The following PER2 variants were observed in gnomAD, a reference collection of about 807,000 sequenced individuals.
PER2 encodes period circadian protein homolog 2.
A neutral mutation model predicts 121.0 loss-of-function variants in PER2; 66 were observed. That is an observed-to-expected ratio of 0.55 (90% CI 0.45 to 0.67). The LOEUF (loss-of-function observed/expected upper bound fraction) is 0.67. PER2 is among the 30% of genes least tolerant of loss of function. The probability of loss-of-function intolerance (pLI) is 0.00; values close to 1 mark genes in which losing one functional copy is unlikely to be tolerated. For synonymous variants in PER2, 684 were observed against 659.9 expected, an observed-to-expected ratio of 1.04 and a Z score of -0.56; for missense variants, 1,521 against 1,635.0, an observed-to-expected ratio of 0.93 and a Z score of 1.20.
chr2:238,273,481 A>G (rs1393846350), intron 4 of PER2, among the ~76,000 whole-genome samples: 2 of 150,360 alleles, frequency 1.3e-5, no homozygotes, highest in African/African-American at 4.9e-5. Flanking sequence ...GCTGCCTCTC[A>G]TGTTCTCCAG....
intron 16 of PER2, among the ~76,000 whole-genome samples, 160 bp downstream of exon 16, chr2:238,258,116 T>C (rs1212996712): frequency 6.6e-6 from 1 of 152,254 alleles, no homozygotes; most frequent in Non-Finnish European, 1.5e-5. Context: ...CATCTTTGCC[T>C]CTAGTTCCTA....
At chr2:238,246,666 G>T in intron 22 of PER2, 142 bp from the exon 23 acceptor site, 2 of 568,242 alleles carry the variant, frequency 3.5e-6, no homozygotes, top group Non-Finnish European at 6.5e-6. Flanking sequence ...CACGACGTCA[G>T]GAGATCGAGA....
At chr2:238,270,409 G>A (rs773537349) in intron 6 of PER2, among the ~76,000 whole-genome samples, 17 of 151,016 alleles carry the variant, frequency 1.1e-4, no homozygotes, top group Non-Finnish European at 1.0e-4. Flanking sequence ...CTCTGCTTTC[G>A]TGGGAATCTA....
Position 238,257,014 on chromosome 2 carries a change from C to T in PER2, c.1973G>A (p.Gly658Asp). 6.2e-7 allele frequency: 1 copy of T among 1,613,580 alleles called. No homozygotes were observed. ...GAGCGACGCCACACTCTCTGCCTTG[C>T]CCGGCAGTGCCAGCGAGGTCAGGTG... is the stretch of plus-strand genomic sequence containing the variant. ...GTHLTSLALP[G>D]KAESVASLTS... is the part of the protein sequence containing the mutation. The change falls in exon 17 of 23, where the codon GGC becomes GAC. Residue 658 changes from glycine to aspartate, a missense_variant. By Grantham distance (94) the Gly-to-Asp change is moderately conservative (BLOSUM62 -1). Transcript: ENST00000254657.
chr2:238,287,492 G>A (rs1696823188), intron 1 of PER2, among the ~76,000 whole-genome samples: 1 of 152,164 alleles, frequency 6.6e-6, no homozygotes, highest in African/African-American at 2.4e-5. Context: ...GTCCATGTGG[G>A]GCTTTAGCCA....
chr2:238,296,918 G>C, the PER2 span, among the ~76,000 whole-genome samples: 5 of 152,256 alleles, frequency 3.3e-5, no homozygotes, highest in Admixed American at 2.0e-4. Flanking sequence ...TCTGGGCTCA[G>C]AAAGTGCTGA....
rs139421757 is a variant in PER2 at position 238,276,290 on chromosome 2, G to C, written c.294-393C>G. Reference sequence around the variant, plus strand: ...AGACCCTGGCCAAGTATGACAATCAGAGCTGTCAACAGACATTGCCAGATG... The same window carrying C: ...AGACCCTGGCCAAGTATGACAATCACAGCTGTCAACAGACATTGCCAGATG... On this transcript the variant is annotated intron_variant, in intron 3 of 22. Coordinates refer to ENST00000254657, the MANE Select transcript of PER2 (RefSeq NM_022817.3). 1.3e-4 allele frequency among the ~76,000 whole-genome samples: 20 copies of C among 152,376 alleles called. No individual in the cohort carries two copies. The East Asian group carries it at 3.7e-3, about 28-fold the overall frequency.
At chr2:238,276,688 CT>C (rs1696465388) in intron 3 of PER2, among the ~76,000 whole-genome samples, 1 of 152,190 alleles carries the variant, frequency 6.6e-6, no homozygotes, top group African/African-American at 2.4e-5. Flanking sequence ...GAAGATGGGC[CT>C]GTGTGGAACA....
chr2:238,283,873 G>A (rs1400578113), intron 1 of PER2, among the ~76,000 whole-genome samples: 2 of 152,144 alleles, frequency 1.3e-5, no homozygotes, highest in African/African-American at 4.8e-5. Flanking sequence ...ATAAGCAGCT[G>A]GTCCTTTCTG....
chr2:238,258,210 C>T (rs987467642), intron 16 of PER2, 66 bp downstream of exon 16: 30 of 1,555,166 alleles, frequency 1.9e-5, no homozygotes, highest in East Asian at 4.5e-5. Flanking sequence ...GCCATGGGGA[C>T]GTCTGACTCT....
At chr2:238,247,640 AT>A (rs1695484060) in intron 22 of PER2, 3 of 152,280 alleles carry the variant, frequency 2.0e-5, no homozygotes, top group Admixed American at 2.0e-4. Flanking sequence ...CCACGGGTCT[AT>A]TTCAGGAAAA....
chr2:238,267,649 A>G (rs540926030), intron 8 of PER2, among the ~76,000 whole-genome samples: 1 of 152,194 alleles, frequency 6.6e-6, no homozygotes, highest in Admixed American at 6.5e-5. Flanking sequence ...GTTCTGGAGC[A>G]GGCAGCGACA....
At position 238,288,584 on chromosome 2, in the gene PER2, G is replaced by C. The variant is rs1426081012; in HGVS notation, c.-255C>G. On this transcript the variant is annotated 5_prime_UTR_variant, in exon 1 of 23. Transcript: ENST00000254657. ...CCGGCGCTGGGACCCCGACCTGCCC[G>C]AGGCCCGCGCGCCGGCGGCGGTTAC... 1 of 151,444 alleles carries C rather than the reference G, an allele frequency of 6.6e-6. No homozygotes were observed. The highest frequency in any genetic ancestry group is 2.4e-5 in the African/African-American group (1 of 41,326). 9.4% of individuals were successfully genotyped at this position (151,444 alleles called of 1,614,324 possible).
Position 238,244,372 on chromosome 2 carries a change from C to G in PER2, c.*2003G>C, listed in dbSNP as rs1042958444. 1 of 152,616 alleles carries G rather than the reference C, an allele frequency of 6.6e-6. No individual in the cohort carries two copies. Among genetic ancestry groups the G allele is most frequent in the Non-Finnish European group, 1.5e-5 (1 of 68,048 alleles). The allele number at this position is 152,616 out of a possible 1,614,324, so 9.5% of individuals were successfully genotyped here. A position where few individuals can be genotyped will look rare whatever the true frequency, so the allele number is the denominator to read the frequency against. Reference sequence around the variant, plus strand: ...CAAGATGATCCTATTAAGTCAACTGCTTGGCACGCGCTGAAGCTACAGTTA... The same window carrying G: ...CAAGATGATCCTATTAAGTCAACTGGTTGGCACGCGCTGAAGCTACAGTTA... On this transcript the variant is annotated 3_prime_UTR_variant, in exon 23 of 23. Transcript: ENST00000254657.
At chr2:238,285,237 G>C (rs1473615468) in intron 1 of PER2, among the ~76,000 whole-genome samples, 1 of 150,094 alleles carries the variant, frequency 6.7e-6, no homozygotes, top group Admixed American at 6.8e-5. Flanking sequence ...AGGTCACCTG[G>C]CCACATTTTT....
Position 238,262,340 on chromosome 2 carries a change from C to T in PER2, c.1158G>A (p.Leu386=). 6.2e-7 allele frequency: 1 copy of T among 1,614,016 alleles called. No homozygotes were observed. Among genetic ancestry groups the T allele is most frequent in the Middle Eastern group, 1.6e-4 (1 of 6,062 alleles). Residue 386 remains leucine (L), a synonymous_variant, in exon 11 of 23, where the codon CTG becomes CTA. Coordinates refer to ENST00000254657, the MANE Select transcript of PER2 (RefSeq NM_022817.3). ...AGTCGAAAGGCTGCCCGCCTGACTG[C>T]AGGACTAGGAGAGCAAAAGCCAGCA... is the stretch of plus-strand genomic sequence containing the variant. The part of the protein sequence containing the change: ...PLMLAIHKKI[L]QSGGQPFDYS...
At chr2:238,287,212 T>A (rs1696814829) in intron 1 of PER2, among the ~76,000 whole-genome samples, 1 of 152,180 alleles carries the variant, frequency 6.6e-6, no homozygotes, top group South Asian at 2.1e-4. Flanking sequence ...CAGTGACAGA[T>A]AACTGCAAAC....
At chr2:238,297,175 C>G in the PER2 span, among the ~76,000 whole-genome samples, 20 of 152,184 alleles carry the variant, frequency 1.3e-4, no homozygotes, top group African/African-American at 4.3e-4. Flanking sequence ...ACATCCACCC[C>G]CCACGCTCTG....
intron 10 of PER2, among the ~76,000 whole-genome samples, chr2:238,262,586 G>C (rs750273419): frequency 6.6e-6 from 1 of 152,126 alleles, no homozygotes; most frequent in Non-Finnish European, 1.5e-5. Context: ...ATCTATGAGG[G>C]CTGGGCTTGG....
Sources: allele counts gnomAD v4.1 joint callset (sites outside exome capture counted in the v4.1 genomes callset), GRCh38; gene constraint gnomAD v4.1.1; transcripts MANE v1.5; gene names NCBI Gene and HGNC (gene_info 2026-07-23, HGNC 2026-07-21).